MYLK4: variants seen among roughly 807,000 people sequenced by gnomAD.
MYLK4 encodes caMLCK like.
A neutral mutation model predicts 48.1 loss-of-function variants in MYLK4; 46 were observed. That is an observed-to-expected ratio of 0.96 (90% CI 0.75 to 1.22). The LOEUF is 1.22. MYLK4 is among the 50% of genes most tolerant of loss of function. The pLI is 0.00. For missense variants in MYLK4, 451 were observed against 486.1 expected (o/e 0.93, Z 0.68); for synonymous variants, 170 against 180.8 (o/e 0.94, Z 0.48).
At chr6:2,733,842 G>A (rs190993919) in intron 2 of MYLK4, among the ~76,000 whole-genome samples, 8 of 152,196 alleles carry the variant, frequency 5.3e-5, no homozygotes, top group Admixed American at 3.9e-4. Flanking sequence ...CTTCGCCCGC[G>A]GAGACGCTGC....
chr6:2,701,767 C>G (rs1762289687), intron 2 of MYLK4, among the ~76,000 whole-genome samples: 1 of 152,234 alleles, frequency 6.6e-6, no homozygotes, highest in South Asian at 2.1e-4. Context: ...TGCAGAACCT[C>G]AGAACCTCAG....
At chr6:2,691,066 G>A (rs1344395291) in intron 3 of MYLK4, among the ~76,000 whole-genome samples, 4 of 151,988 alleles carry the variant, frequency 2.6e-5, no homozygotes, top group Non-Finnish European at 4.4e-5. Context: ...TCCTGACCTC[G>A]TGATCCAACT....
At chr6:2,753,385 C>T (rs147056399), upstream of MYLK4, among the ~76,000 whole-genome samples, 34 of 152,270 alleles carry the variant, frequency 2.2e-4, 1 homozygote, top group East Asian at 5.0e-3. Context: ...CACACAAAAG[C>T]GGAGCAACAG....
chr6:2,744,108 C>T (rs1390687477), intron 2 of MYLK4: 1 of 392,114 alleles, frequency 2.6e-6, no homozygotes, highest in East Asian at 3.6e-5. Flanking sequence ...ACCAGCACTT[C>T]TCAAGCAGTG....
intron 9 of MYLK4, 111 bp downstream of exon 9, chr6:2,679,169 G>A: frequency 7.8e-7 from 1 of 1,279,312 alleles, no homozygotes; most frequent in Non-Finnish European, 1.1e-6. Flanking sequence ...GGATGGGACA[G>A]TGTTATTTAT....
intron 7 of MYLK4, among the ~76,000 whole-genome samples, chr6:2,681,107 GA>G (rs1007235063): frequency 3.3e-5 from 5 of 152,020 alleles, no homozygotes; most frequent in African/African-American, 4.8e-5. Context: ...TTATAAAAGA[GA>G]AAAAAAGTTT....
upstream of MYLK4, among the ~76,000 whole-genome samples, chr6:2,754,393 A>G (rs1764372131): frequency 6.6e-6 from 1 of 152,142 alleles, no homozygotes; most frequent in African/African-American, 2.4e-5. Flanking sequence ...ATGAGCGAAA[A>G]CACTGTGCTA....
chr6:2,766,509 G>C, the MYLK4 span: 1 of 1,440,126 alleles, frequency 6.9e-7, no homozygotes, highest in Non-Finnish European at 9.2e-7. Context: ...CTGATGGTCG[G>C]AGAGCCGGGT....
chr6:2,665,924 TGTGTGTG>T lies in MYLK4; in HGVS notation c.*1994_*2000del, dbSNP rs1001069409. ...AGTCACAGGGTTTTGTGTGTGTGTG[TGTGTGTG>T]GTGTGTGTGTTTTAAGCAAACTAAA... On this transcript the variant is annotated 3_prime_UTR_variant, in exon 13 of 13. Coordinates refer to ENST00000274643, the MANE Select transcript of MYLK4 (RefSeq NM_001012418.5). 13 of 128,804 alleles carry T rather than the reference TGTGTGTG, an allele frequency of 1.0e-4. No individual in the cohort carries two copies. The highest frequency in any genetic ancestry group is 1.7e-4 in the African/African-American group (6 of 35,310). 8.0% of individuals were successfully genotyped at this position (128,804 alleles called of 1,614,324 possible).
At position 2,688,960 on chromosome 6, in the gene MYLK4, G is replaced by T; in HGVS notation, c.236-4C>A. ...GCCGGAGGAGCCGGGATGTCAACTA[G>T]AAGGTGAGAGAAACAGAAGGGCAAT... On this transcript the variant is annotated splice_region_variant and splice_polypyrimidine_tract_variant and intron_variant, in intron 3 of 12. Coordinates refer to ENST00000274643, the MANE Select transcript of MYLK4 (RefSeq NM_001012418.5). The T allele has an allele frequency of 6.2e-7, 1 of 1,613,666 alleles. No homozygotes were observed. Among genetic ancestry groups the T allele is most frequent in the Non-Finnish European group, 8.5e-7 (1 of 1,179,520 alleles).
At chr6:2,682,975 A>T (rs769543705) in intron 7 of MYLK4, 46 bp downstream of exon 7, 2 of 1,612,312 alleles carry the variant, frequency 1.2e-6, no homozygotes, top group Non-Finnish European at 1.7e-6. Context: ...CCACTGTGCA[A>T]GAGCTGGGAA....
the MYLK4 span, among the ~76,000 whole-genome samples, chr6:2,764,655 A>G: frequency 0.012 from 1,846 of 152,280 alleles, 27 homozygotes; most frequent in South Asian, 0.061. Context: ...TCTAGGACGT[A>G]ATTGCACACG....
At chr6:2,744,056 A>T (rs189198504) in intron 2 of MYLK4, 30 of 398,988 alleles carry the variant, frequency 7.5e-5, no homozygotes, top group Admixed American at 3.5e-4. Flanking sequence ...GCAGCTGTGG[A>T]TGTTGCTTGG....
chr6:2,741,490 C>A (rs1287449789), intron 2 of MYLK4, among the ~76,000 whole-genome samples: 1 of 152,200 alleles, frequency 6.6e-6, no homozygotes, highest in Non-Finnish European at 1.5e-5. Context: ...TGCATTTGGT[C>A]AAGGACACTC....
intron 3 of MYLK4, among the ~76,000 whole-genome samples, chr6:2,691,943 G>A (rs1761820464): frequency 6.6e-6 from 1 of 152,182 alleles, no homozygotes; most frequent in Non-Finnish European, 1.5e-5. Context: ...TAGCTCTAGA[G>A]AAAACATTGC....
the MYLK4 span, among the ~76,000 whole-genome samples, chr6:2,764,421 G>C: frequency 6.6e-6 from 1 of 152,066 alleles, no homozygotes; most frequent in African/African-American, 2.4e-5. Context: ...CCCTCAATGT[G>C]CTCTTGCCCA....
chr6:2,703,265 G>C (rs1306268780), intron 2 of MYLK4, among the ~76,000 whole-genome samples: 1 of 152,142 alleles, frequency 6.6e-6, no homozygotes, highest in Non-Finnish European at 1.5e-5. Flanking sequence ...AAGGCATGTG[G>C]CCACAACAAC....
chr6:2,729,144 C>T (rs944687591), intron 2 of MYLK4, among the ~76,000 whole-genome samples: 2 of 152,242 alleles, frequency 1.3e-5, no homozygotes, highest in African/African-American at 2.4e-5. Context: ...TTATGACACA[C>T]ACTTCATGTG....
chr6:2,723,261 C>G (rs1282564603), intron 2 of MYLK4, among the ~76,000 whole-genome samples: 1 of 152,178 alleles, frequency 6.6e-6, no homozygotes. Context: ...TCACCGCACT[C>G]CAGCCTGGGT....
Sources: gnomAD v4.1 joint callset for allele counts (sites outside exome capture counted in the v4.1 genomes callset) on GRCh38, gnomAD v4.1.1 for gene constraint, MANE v1.5 for transcripts, NCBI Gene and HGNC (gene_info 2026-07-23, HGNC 2026-07-21) for gene names.